NAA15: variants seen among roughly 807,000 people sequenced by gnomAD.
NAA15 encodes N-alpha-acetyltransferase 15, NatA auxiliary subunit.
NAA15 carries 34 observed loss-of-function variants against 114.0 expected under a neutral mutation model. That is an observed-to-expected ratio of 0.30 (90% CI 0.23 to 0.40). The LOEUF (loss-of-function observed/expected upper bound fraction) is 0.40. Among genes scored for constraint, NAA15 ranks in the 10% least tolerant of loss-of-function variants. NAA15 has a pLI of 1.00. For missense variants in NAA15, 658 were observed against 1,004.5 expected (o/e 0.66, Z 4.66); for synonymous variants, 340 against 338.0 (o/e 1.01, Z -0.06).
chr4:139,344,158 T>C, intron 5 of NAA15, 28 bp from the exon 6 acceptor site: 1 of 1,524,396 alleles, frequency 6.6e-7, no homozygotes, highest in Non-Finnish European at 8.8e-7. Context: ...AAATTCTTAC[T>C]GTCAGTATTC....
intron 1 of NAA15, among the ~76,000 whole-genome samples, chr4:139,307,154 TG>T (rs1234982132): frequency 6.6e-6 from 1 of 152,382 alleles, no homozygotes; most frequent in East Asian, 1.9e-4. Flanking sequence ...ATCTACCATT[TG>T]CCAGGCTCTG....
chr4:139,344,770 ATATAG>A (rs1469612922), intron 6 of NAA15, among the ~76,000 whole-genome samples: 2 of 152,200 alleles, frequency 1.3e-5, no homozygotes, highest in Non-Finnish European at 2.9e-5. Context: ...ACTAAAATAC[ATATAG>A]GATATTTCTG....
intron 1 of NAA15, among the ~76,000 whole-genome samples, chr4:139,330,165 A>G (rs1171304268): frequency 1.3e-5 from 2 of 152,250 alleles, no homozygotes; most frequent in Admixed American, 1.3e-4. Flanking sequence ...TTTTATGAAC[A>G]GTGACACTTA....
chr4:139,321,475 T>G (rs1416295823), intron 1 of NAA15, among the ~76,000 whole-genome samples: 2 of 148,012 alleles, frequency 1.4e-5, no homozygotes, highest in African/African-American at 2.5e-5. Flanking sequence ...TTATTTGTTT[T>G]TTTTTTTTTT....
At chr4:139,362,771 TAGAC>T (rs1311220324) in intron 14 of NAA15, among the ~76,000 whole-genome samples, 8 of 152,266 alleles carry the variant, frequency 5.3e-5, no homozygotes, top group African/African-American at 1.4e-4. Flanking sequence ...AAGTCTTTCT[TAGAC>T]AGTTATTTGG....
At chr4:139,387,796 G>A in intron 19 of NAA15, 88 bp from the exon 20 acceptor site, 1 of 1,001,296 alleles carries the variant, frequency 1.0e-6, no homozygotes, top group East Asian at 2.4e-5. Flanking sequence ...TCTTATTTTA[G>A]AAATCTCTTG....
At chr4:139,347,405 G>C (rs1747620743) in intron 6 of NAA15, among the ~76,000 whole-genome samples, 2 of 152,038 alleles carry the variant, frequency 1.3e-5, no homozygotes, top group South Asian at 4.2e-4. Context: ...GCTGAGACCA[G>C]AGGATCACTT....
intron 13 of NAA15, 25 bp from the exon 14 acceptor site, chr4:139,361,699 A>G (rs1748136801): frequency 7.0e-7 from 1 of 1,424,592 alleles, no homozygotes. Flanking sequence ...ACTTCGGTAT[A>G]ATAATAAAAA....
intron 2 of NAA15, among the ~76,000 whole-genome samples, chr4:139,336,561 C>T (rs1353110127): frequency 1.3e-5 from 2 of 151,854 alleles, no homozygotes; most frequent in African/African-American, 4.8e-5. Flanking sequence ...GAATGAATTA[C>T]TAGATTATCT....
At chr4:139,306,143 A>G (rs1471252793) in intron 1 of NAA15, among the ~76,000 whole-genome samples, 3 of 152,192 alleles carry the variant, frequency 2.0e-5, no homozygotes, top group Non-Finnish European at 4.4e-5. Flanking sequence ...GCATTGTCCT[A>G]AGTTAGTCAA....
At position 139,344,238 on chromosome 4, in the gene NAA15, A is replaced by C; in HGVS notation, c.590A>C (p.Asn197Thr). Residue 197 changes from asparagine (N) to threonine (T), a missense_variant, in exon 6 of 20, where the codon AAT becomes ACT. Coordinates refer to ENST00000296543, the MANE Select transcript of NAA15 (RefSeq NM_057175.5). ...TATAGTGAACTACTCTTATATCAGA[A>C]TCAAGTTCTTCGGGAAGCAGGTCTC... ...YEYSELLLYQ[N>T]QVLREAGLYR... 5 of 1,613,104 alleles carry C rather than the reference A, an allele frequency of 3.1e-6. No individual in the cohort carries two copies. The highest frequency in any genetic ancestry group is 3.3e-5 in the Admixed American group (2 of 60,006).
At chr4:139,374,295 A>T (rs1748523487) in intron 15 of NAA15, among the ~76,000 whole-genome samples, 1 of 152,158 alleles carries the variant, frequency 6.6e-6, no homozygotes, top group African/African-American at 2.4e-5. Flanking sequence ...ACCTAAGTGA[A>T]CTCAACTCTT....
rs1748961199 is a variant in NAA15, at chr4:139,388,202, C to T, written c.*118C>T. The T allele has an allele frequency of 6.5e-6, 5 of 765,018 alleles. No individual in the cohort carries two copies. The East Asian group carries it at 1.4e-4, about 21-fold the overall frequency. 47.4% of individuals were successfully genotyped at this position (765,018 alleles called of 1,614,324 possible). A position where few individuals can be genotyped will look rare whatever the true frequency, so the allele number is the denominator to read the frequency against. The stretch of plus-strand genomic sequence containing the variant: ...GAATGAGAGGAGTAAATGTTCTTGC[C>T]TTCAAATAGTGTTTTACGTTTTTTA... On this transcript the variant is annotated 3_prime_UTR_variant, in exon 20 of 20. Coordinates refer to ENST00000296543, the MANE Select transcript of NAA15 (RefSeq NM_057175.5).
At chr4:139,317,806 T>A (rs1267113676) in intron 1 of NAA15, among the ~76,000 whole-genome samples, 1 of 152,198 alleles carries the variant, frequency 6.6e-6, no homozygotes, top group African/African-American at 2.4e-5. Context: ...CTCTTCAAAC[T>A]CTCTTGGAAG....
Position 139,378,795 on chromosome 4 carries a change from T to G in NAA15, c.2096T>G (p.Phe699Cys), listed in dbSNP as rs757714777. The change falls in exon 17 of 20, where the codon TTT becomes TGT. Residue 699 changes from phenylalanine to cysteine, a missense_variant. Phe to Cys is a radical substitution (Grantham distance 205, BLOSUM62 -2). Coordinates refer to ENST00000296543, the MANE Select transcript of NAA15 (RefSeq NM_057175.5). ...LLMLQSVKRA[F>C]AIDSSHPWLH... ...ATGCTACAATCAGTAAAGAGGGCAT[T>G]TGCTATTGATTCTAGTCATCCCTGG... The G allele has an allele frequency of 6.4e-7, 1 of 1,557,708 alleles. No homozygotes were observed. The highest frequency in any genetic ancestry group is 2.4e-5 in the East Asian group (1 of 41,722).
intron 16 of NAA15, among the ~76,000 whole-genome samples, chr4:139,376,686 T>C (rs1748590578): frequency 1.3e-5 from 2 of 152,226 alleles, no homozygotes; most frequent in Admixed American, 6.5e-5. Context: ...TAGATGTACA[T>C]AACATAACTA....
chr4:139,348,646 T>C (rs1231079290), intron 6 of NAA15, among the ~76,000 whole-genome samples: 2 of 152,212 alleles, frequency 1.3e-5, no homozygotes, highest in African/African-American at 2.4e-5. Context: ...TTGAAGCTTA[T>C]ATGGCTTTGG....
intron 1 of NAA15, among the ~76,000 whole-genome samples, chr4:139,305,466 A>G (rs1353274042): frequency 6.7e-6 from 1 of 149,644 alleles, no homozygotes; most frequent in Non-Finnish European, 1.5e-5. Flanking sequence ...GCCCGGTCTG[A>G]TAAAGGAAAT....
chr4:139,344,139 A>G, intron 5 of NAA15, 47 bp from the exon 6 acceptor site: 1 of 1,463,858 alleles, frequency 6.8e-7, no homozygotes, highest in African/African-American at 1.4e-5. Context: ...ATTTTCTGAT[A>G]TGAAAATAAA....
Sources: gnomAD v4.1 joint callset for allele counts (sites outside exome capture counted in the v4.1 genomes callset) on GRCh38, gnomAD v4.1.1 for gene constraint, MANE v1.5 for transcripts, NCBI Gene and HGNC (gene_info 2026-07-23, HGNC 2026-07-21) for gene names.